The following METAP2 variants were observed in gnomAD, a reference collection of about 807,000 sequenced individuals.
The protein encoded by METAP2 is methionyl aminopeptidase 2.
A neutral mutation model predicts 59.4 loss-of-function variants in METAP2; 25 were observed. The observed-to-expected ratio is 0.42, with a 90% confidence interval of 0.31 to 0.59. The LOEUF is 0.59. METAP2 is among the 20% of genes least tolerant of loss of function. METAP2 has a pLI of 0.16. For missense variants in METAP2, 366 were observed against 581.2 expected (o/e 0.63, Z 3.81); for synonymous variants, 214 against 194.1 (o/e 1.10, Z -0.85).
intron 8 of METAP2, among the ~76,000 whole-genome samples, chr12:95,506,792 ATACT>A (rs1021479263): frequency 4.6e-4 from 46 of 99,312 alleles, no homozygotes; most frequent in African/African-American, 1.4e-3. Context: ...GCAAAGCAGA[ATACT>A]TATTTATTTA....
intron 1 of METAP2, among the ~76,000 whole-genome samples, chr12:95,475,575 C>T (rs1214294977): frequency 6.6e-6 from 1 of 152,132 alleles, no homozygotes. Context: ...AGAGCAGGGG[C>T]CTGGTCTTGT....
rs922280209 is a variant in METAP2, at chr12:95,511,401, T to G, written c.965-494T>G. ...CCCTTCTAGCACCGTTTTTTTTTTT[T>G]TTTTTTTTTTTTGAGACGGAGTTGC... On this transcript the variant is annotated intron_variant, in intron 8 of 10. Coordinates refer to ENST00000323666, the MANE Select transcript of METAP2 (RefSeq NM_006838.4). Among the ~76,000 whole-genome samples, 1,230 of 141,142 alleles carry G rather than the reference T, an allele frequency of 8.7e-3. 21 individuals are homozygous for G. Among genetic ancestry groups the G allele is most frequent in the African/African-American group, 0.03 (1,149 of 37,694 alleles). The allele number at this position is 141,142 out of a possible 152,430, so 92.6% of individuals were successfully genotyped here.
chr12:95,474,666 A>G (rs2076104538), intron 1 of METAP2, among the ~76,000 whole-genome samples: 1 of 152,078 alleles, frequency 6.6e-6, no homozygotes, highest in African/African-American at 2.4e-5. Flanking sequence ...CAGCCCTACC[A>G]TCTTTCGCGC....
chr12:95,485,138 G>A (rs562926917), intron 3 of METAP2, among the ~76,000 whole-genome samples: 3 of 152,136 alleles, frequency 2.0e-5, no homozygotes, highest in East Asian at 3.9e-4. Flanking sequence ...TATAATTTTC[G>A]AAGGTTATCC....
intron 8 of METAP2, among the ~76,000 whole-genome samples, chr12:95,507,857 C>T (rs560165118): frequency 3.9e-4 from 59 of 151,522 alleles, no homozygotes; most frequent in African/African-American, 1.4e-3. Flanking sequence ...CGGCTCATCA[C>T]AACCTCCGCC....
chr12:95,488,123 C>T (rs1370539589), intron 4 of METAP2, among the ~76,000 whole-genome samples: 1 of 152,054 alleles, frequency 6.6e-6, no homozygotes, highest in Non-Finnish European at 1.5e-5. Context: ...TTTCGAGCAT[C>T]TTTTGATCGT....
At chr12:95,504,518 A>G (rs1484378318) in intron 8 of METAP2, among the ~76,000 whole-genome samples, 1 of 152,166 alleles carries the variant, frequency 6.6e-6, no homozygotes, top group Non-Finnish European at 1.5e-5. Context: ...TTTTTTAAAG[A>G]CAGGGTCTCG....
At chr12:95,478,759 C>T (rs17024270) in intron 2 of METAP2, among the ~76,000 whole-genome samples, 2,602 of 152,094 alleles carry the variant, frequency 0.017, 35 homozygotes, top group African/African-American at 0.036. Flanking sequence ...GGCTGAATGC[C>T]GAAGGAAGGC....
In METAP2 at chr12:95,513,677, A is replaced by C. The variant is rs142486082; in HGVS notation, c.1210A>C (p.Asn404His). 1 of 1,614,018 alleles carries C rather than the reference A, an allele frequency of 6.2e-7. No individual in the cohort carries two copies. Among genetic ancestry groups the C allele is most frequent in the Non-Finnish European group, 8.5e-7 (1 of 1,180,012 alleles). Reference sequence around the variant, plus strand: ...GCTTCCAAGAACAAAACACTTGTTAAATGTCATCAATGAAAACTTTGGAAC... The same window carrying C: ...GCTTCCAAGAACAAAACACTTGTTACATGTCATCAATGAAAACTTTGGAAC... Reference protein sequence around the residue: ...IRLPRTKHLLNVINENFGTLA... With the variant: ...IRLPRTKHLLHVINENFGTLA... The change falls in exon 11 of 11, where the codon AAT becomes CAT. Residue 404 changes from asparagine (N) to histidine (H), a missense_variant. By Grantham distance (68) the Asn-to-His change is moderately conservative (BLOSUM62 1). Transcript: ENST00000323666.
Position 95,512,845 on chromosome 12 carries a change from A to G in METAP2, c.1113A>G (p.Lys371=). 3 of 1,612,862 alleles carry G rather than the reference A, an allele frequency of 1.9e-6. No homozygotes were observed. Among genetic ancestry groups the G allele is most frequent in the Non-Finnish European group, 2.5e-6 (3 of 1,179,094 alleles). Residue 371 remains lysine (K), a synonymous_variant, in exon 10 of 11, where the codon AAA becomes AAG. Transcript: ENST00000323666. The part of the protein sequence containing the change: ...YAIETFGSTG[K]GVVHDDMECS... ...TTGAAACCTTTGGTAGTACAGGAAA[A>G]GGTGTTGTTCATGATGATATGGAAT...
Position 95,511,043 on chromosome 12 carries a change from A to G in METAP2, c.965-852A>G, listed in dbSNP as rs530403415. On this transcript the variant is annotated intron_variant, in intron 8 of 10. Coordinates refer to ENST00000323666, the MANE Select transcript of METAP2 (RefSeq NM_006838.4). ...TGTTGAATGTTATTCCCTCGTGAATATGCCACAATTTGTCTATTCTGTCCT... is the reference window on the plus strand; with the variant it reads ...TGTTGAATGTTATTCCCTCGTGAATGTGCCACAATTTGTCTATTCTGTCCT... 3.3e-5 allele frequency among the ~76,000 whole-genome samples: 5 copies of G among 152,316 alleles called. No homozygotes were observed. The East Asian group carries it at 7.7e-4, about 24-fold the overall frequency.
intron 10 of METAP2, 33 bp from the exon 11 acceptor site, chr12:95,513,619 G>A: frequency 1.9e-6 from 3 of 1,597,916 alleles, no homozygotes; most frequent in Non-Finnish European, 2.6e-6. Context: ...TAACTCTTTT[G>A]CCAACAGTTA....
chr12:95,501,921 C>G (rs1298780181), intron 7 of METAP2, among the ~76,000 whole-genome samples: 1 of 151,056 alleles, frequency 6.6e-6, no homozygotes, highest in Non-Finnish European at 1.5e-5. Context: ...CTTGCAGGCC[C>G]GGTCTAGTAG....
At chr12:95,475,819 C>G (rs2076114062) in intron 1 of METAP2, among the ~76,000 whole-genome samples, 1 of 145,410 alleles carries the variant, frequency 6.9e-6, no homozygotes, top group Non-Finnish European at 1.5e-5. Flanking sequence ...GGATAGAGAC[C>G]AGTTCACGCT....
At chr12:95,486,519 CAG>C (rs1416948671) in intron 4 of METAP2, among the ~76,000 whole-genome samples, 3 of 150,058 alleles carry the variant, frequency 2.0e-5, no homozygotes, top group Non-Finnish European at 4.4e-5. Context: ...TTTTTTGAGA[CAG>C]AGTTTCACTC....
At chr12:95,507,938 C>G (rs1430959521) in intron 8 of METAP2, among the ~76,000 whole-genome samples, 2 of 143,812 alleles carry the variant, frequency 1.4e-5, no homozygotes, top group Non-Finnish European at 3.0e-5. Flanking sequence ...CCACGCCCAG[C>G]AATTTTTTTT....
intron 8 of METAP2, among the ~76,000 whole-genome samples, chr12:95,510,189 T>C (rs2076392303): frequency 1.3e-5 from 2 of 152,128 alleles, no homozygotes; most frequent in African/African-American, 4.8e-5. Flanking sequence ...GCACAAAGCA[T>C]AAAAACTCAG....
chr12:95,507,177 C>A (rs540198297), intron 8 of METAP2, among the ~76,000 whole-genome samples: 20 of 152,120 alleles, frequency 1.3e-4, no homozygotes, highest in Non-Finnish European at 2.2e-4. Context: ...AAATCTGTAA[C>A]CTGAATACCC....
chr12:95,488,297 C>G (rs888656639), intron 4 of METAP2, among the ~76,000 whole-genome samples: 1 of 151,400 alleles, frequency 6.6e-6, no homozygotes, highest in Admixed American at 6.6e-5. Context: ...GTCAGGAGTT[C>G]AAGACCAGCC....
Sources: gnomAD v4.1 joint callset for allele counts (sites outside exome capture counted in the v4.1 genomes callset) on GRCh38, gnomAD v4.1.1 for gene constraint, MANE v1.5 for transcripts, NCBI Gene and HGNC (gene_info 2026-07-23, HGNC 2026-07-21) for gene names.